Variants in TIMELESS observed in about 807,000 individuals in gnomAD.
The protein encoded by TIMELESS is timeless circadian regulator, also known as protein timeless homolog.
TIMELESS carries 124 observed loss-of-function variants against 164.3 expected under a neutral mutation model. The ratio of observed to expected loss-of-function variants is 0.75; its 90% CI spans 0.65 to 0.88. The LOEUF is 0.88. Ranked by LOEUF, TIMELESS falls within the 40% of genes least tolerant of loss-of-function variation. TIMELESS has a pLI of 0.00. For synonymous variants in TIMELESS, 564 were observed against 563.4 expected (o/e 1.00, Z -0.02); for missense variants, 1,422 against 1,491.4 (o/e 0.95, Z 0.77).
chr12:56,434,037 G>A (rs1415349550), intron 2 of TIMELESS, 37 bp downstream of exon 2: 2 of 1,612,320 alleles, frequency 1.2e-6, no homozygotes, highest in African/African-American at 2.7e-5. Flanking sequence ...CTTAATTCAA[G>A]CCAATTTTTT....
Position 56,423,814 on chromosome 12 carries a change from A to C in TIMELESS, c.1949T>G (p.Leu650Arg). ...EEEIQLLKQI[L>R]SAPLPRQQGP... Reference sequence around the variant, plus strand: ...AGACTCACGGGGAAGTGGAGCAGAGAGGATTTGTTTCAGCAACTGGATCTC... The same window carrying C: ...AGACTCACGGGGAAGTGGAGCAGAGCGGATTTGTTTCAGCAACTGGATCTC... Residue 650 changes from leucine to arginine, a missense_variant, in exon 16 of 29, where the codon CTC becomes CGC. By Grantham distance (102) the Leu-to-Arg change is moderately radical. Coordinates refer to ENST00000553532, the MANE Select transcript of TIMELESS (RefSeq NM_003920.5). 1 of 1,614,194 alleles carries C rather than the reference A, an allele frequency of 6.2e-7. No individual in the cohort carries two copies.
At position 56,430,136 on chromosome 12, in the gene TIMELESS, T is replaced by G; in HGVS notation, c.1055A>C (p.Asn352Thr). The change falls in exon 10 of 29, where the codon AAC becomes ACC. Residue 352 changes from asparagine to threonine, a missense_variant. Coordinates refer to ENST00000553532, the MANE Select transcript of TIMELESS (RefSeq NM_003920.5). ...TGATCCCATGAGCCGGTTGTAACAG[T>G]TCTCCAGGAACTCAGAGCAGAAGTC... ...LRDFCSEFLE[N>T]CYNRLMGSVK... The G allele has an allele frequency of 6.2e-7, 1 of 1,613,748 alleles. No homozygotes were observed. The highest frequency in any genetic ancestry group is 2.2e-5 in the East Asian group (1 of 44,852).
intron 8 of TIMELESS, 98 bp downstream of exon 8, chr12:56,431,373 C>CA: frequency 5.2e-5 from 36 of 692,028 alleles, no homozygotes; most frequent in Non-Finnish European, 7.0e-5. Flanking sequence ...AAAAAAAAAA[C>CA]ACTAAAATGT....
At chr12:56,425,261 T>C in intron 13 of TIMELESS, 109 bp from the exon 14 acceptor site, 1 of 1,279,122 alleles carries the variant, frequency 7.8e-7, no homozygotes, top group Non-Finnish European at 1.1e-6. Context: ...AGAGTGCCCA[T>C]TATCTGCTAT....
At position 56,422,968 on chromosome 12, in the gene TIMELESS, T is replaced by A. The variant is rs891876333; in HGVS notation, c.2317A>T (p.Ile773Phe). ...YKELVTFAKYILGKFFALAAV... is the reference protein window; with the variant it reads ...YKELVTFAKYFLGKFFALAAV... ...GCCAGTGCAAAAAATTTGCCCAGGA[T>A]GTATTTGGCAAAAGTCACTAGCTCC... Residue 773 changes from isoleucine (I) to phenylalanine (F), a missense_variant, in exon 19 of 29, where the codon ATC becomes TTC. Transcript: ENST00000553532. The A allele has an allele frequency of 6.2e-7, 1 of 1,613,820 alleles. No individual in the cohort carries two copies. Among genetic ancestry groups the A allele is most frequent in the African/African-American group, 1.3e-5 (1 of 74,906 alleles).
At chr12:56,442,087 A>T (rs1868282529) in intron 1 of TIMELESS, among the ~76,000 whole-genome samples, 1 of 146,168 alleles carries the variant, frequency 6.8e-6, no homozygotes, top group African/African-American at 2.5e-5. Context: ...CCGTCTCAAA[A>T]AAAAAAAAAA....
At chr12:56,423,087 C>T (rs1592245121) in intron 18 of TIMELESS, 95 bp from the exon 19 acceptor site, 1 of 1,462,998 alleles carries the variant, frequency 6.8e-7, no homozygotes. Flanking sequence ...TTCCCAGCTG[C>T]CCCCTCCTCA....
At position 56,422,920 on chromosome 12, in the gene TIMELESS, C is replaced by A. The variant is rs985558170; in HGVS notation, c.2365G>T (p.Val789Leu). 2.0e-5 allele frequency: 32 copies of A among 1,613,704 alleles called. No homozygotes were observed. The highest frequency in any genetic ancestry group is 2.5e-5 in the Non-Finnish European group (30 of 1,180,010). Reference protein sequence around the residue: ...ALAAVNQKAFVELLFWKNTAV... With the variant: ...ALAAVNQKAFLELLFWKNTAV... The stretch of plus-strand genomic sequence containing the variant: ...GTGTTCTTCCAGAACAACAGCTCCA[C>A]AAAGGCTTTTTGGTTGACTGCAGCC... The change falls in exon 19 of 29, where the codon GTG becomes TTG. Residue 789 changes from valine to leucine, a missense_variant. By Grantham distance (32) the Val-to-Leu change is conservative (BLOSUM62 1). Coordinates refer to ENST00000553532, the MANE Select transcript of TIMELESS (RefSeq NM_003920.5).
At chr12:56,445,263 T>C (rs578053915) in intron 1 of TIMELESS, among the ~76,000 whole-genome samples, 155 of 149,440 alleles carry the variant, frequency 1.0e-3, no homozygotes, top group Non-Finnish European at 1.9e-3. Context: ...CCATCTCTAC[T>C]AAAAATACAA....
rs938067122 is a variant in TIMELESS at position 56,443,831 on chromosome 12, C to T, written c.-62+5479G>A. On this transcript the variant is annotated intron_variant, in intron 1 of 28. Transcript: ENST00000553532. ...TTGAAATATTGGGGGCTGGTTCCCC[C>T]GATAACATGTATAGCCTGCAACCTG... is the stretch of plus-strand genomic sequence containing the variant. 2.4e-4 allele frequency among the ~76,000 whole-genome samples: 36 copies of T among 151,522 alleles called. 1 individual carries two copies. The highest frequency in any genetic ancestry group is 8.0e-4 in the African/African-American group (33 of 41,296).
At chr12:56,424,738 A>G (rs745566271) in intron 15 of TIMELESS, 24 bp downstream of exon 15, 1 of 1,609,558 alleles carries the variant, frequency 6.2e-7, no homozygotes. Context: ...AAAGCCCAAG[A>G]GGATGAGCAG....
Position 56,433,402 on chromosome 12 carries a change from G to A in TIMELESS, c.408C>T (p.Thr136=). Residue 136 remains threonine, a synonymous_variant, in exon 5 of 29, where the codon ACC becomes ACT. Transcript: ENST00000553532. The part of the protein sequence containing the change: ...SEKAFGVLSE[T]LYELLQLGWE... ...TCACCAGCTGCAGCAGCTCATACAA[G>A]GTTTCACTGAGGACTCCAAAAGCCT... 1 of 1,614,120 alleles carries A rather than the reference G, an allele frequency of 6.2e-7. No individual in the cohort carries two copies. Among genetic ancestry groups the A allele is most frequent in the Non-Finnish European group, 8.5e-7 (1 of 1,180,032 alleles).
intron 1 of TIMELESS, among the ~76,000 whole-genome samples, chr12:56,440,471 C>T (rs1249227990): frequency 6.6e-6 from 1 of 152,080 alleles, no homozygotes; most frequent in East Asian, 1.9e-4. Flanking sequence ...AAACAAAACA[C>T]TCTACCTGCC....
chr12:56,424,316 T>A (rs984970682), intron 15 of TIMELESS, among the ~76,000 whole-genome samples: 1 of 152,242 alleles, frequency 6.6e-6, no homozygotes, highest in African/African-American at 2.4e-5. Context: ...AAAAAACCTC[T>A]GGATGGTTAC....
In TIMELESS at chr12:56,420,998, G is replaced by A; in HGVS notation, c.3005C>T (p.Ser1002Leu). 1.2e-6 allele frequency: 2 copies of A among 1,614,178 alleles called. No individual in the cohort carries two copies. Among genetic ancestry groups the A allele is most frequent in the Non-Finnish European group, 1.7e-6 (2 of 1,180,032 alleles). The change falls in exon 24 of 29, where the codon TCA (serine) becomes TTA (leucine). Residue 1002 changes from serine to leucine, a missense_variant. By Grantham distance (145) the Ser-to-Leu change is moderately radical (BLOSUM62 -2). Coordinates refer to ENST00000553532, the MANE Select transcript of TIMELESS (RefSeq NM_003920.5). Reference protein sequence around the residue: ...AEQVQGSLVLSNENLGQSLHQ... With the variant: ...AEQVQGSLVLLNENLGQSLHQ... Reference sequence around the variant, plus strand: ...CAGGCTTTGACCAAGGTTTTCATTTGAAAGGACTAAGCTACCCTGGACTTG... The same window carrying A: ...CAGGCTTTGACCAAGGTTTTCATTTAAAAGGACTAAGCTACCCTGGACTTG...
At chr12:56,426,087 G>C (rs924016867) in intron 13 of TIMELESS, among the ~76,000 whole-genome samples, 8 of 152,122 alleles carry the variant, frequency 5.3e-5, no homozygotes, top group Admixed American at 2.6e-4. Flanking sequence ...ATGGAGTCCA[G>C]CAGATCTGGA....
rs1292122395 is a variant in TIMELESS, at chr12:56,428,913, T to A, written c.1274A>T (p.Asp425Val). The A allele has an allele frequency of 6.2e-7, 1 of 1,613,876 alleles. No homozygotes were observed. The highest frequency in any genetic ancestry group is 8.5e-7 in the Non-Finnish European group (1 of 1,180,042). The change falls in exon 11 of 29, where the codon GAC becomes GTC. Residue 425 changes from aspartate to valine, a missense_variant. Physicochemically the swap from Asp to Val is radical, Grantham distance 152 (BLOSUM62 -3). Coordinates refer to ENST00000553532, the MANE Select transcript of TIMELESS (RefSeq NM_003920.5). ...LTNYYEMMLT[D>V]RKEAASWARR... ...TGCCCAGGAGGCAGCTTCCTTGCGG[T>A]CAGTCAGCATCATCTCATAGTAGTT... is the stretch of plus-strand genomic sequence containing the variant.
chr12:56,429,079 C>G lies in TIMELESS; in HGVS notation c.1108G>C (p.Ala370Pro), dbSNP rs755429245. The G allele has an allele frequency of 6.2e-7, 1 of 1,613,814 alleles. No homozygotes were observed. Among genetic ancestry groups the G allele is most frequent in the Non-Finnish European group, 8.5e-7 (1 of 1,180,008 alleles). The change falls in exon 11 of 29, where the codon GCT becomes CCT. Residue 370 changes from alanine (A) to proline (P), a missense_variant. Transcript: ENST00000553532. ...TAATAGGTCTCATCATGCTGCTGAG[C>G]TTTCTCCCGAAGCAGGTGATCCTGA... The part of the protein sequence containing the change: ...SVKDHLLREK[A>P]QQHDETYYMW...
chr12:56,444,635 C>A (rs868054850), intron 1 of TIMELESS, among the ~76,000 whole-genome samples: 6 of 151,780 alleles, frequency 4.0e-5, no homozygotes, highest in Middle Eastern at 3.4e-3. Context: ...CAGCCTCAAG[C>A]CCCCAGGCTC....
Sources: allele counts gnomAD v4.1 joint callset (sites outside exome capture counted in the v4.1 genomes callset), GRCh38; gene constraint gnomAD v4.1.1; transcripts MANE v1.5; gene names NCBI Gene and HGNC (gene_info 2026-07-23, HGNC 2026-07-21).